The following CYP3A5 variants were observed in gnomAD, a reference collection of about 807,000 sequenced individuals.
CYP3A5 encodes cytochrome P450 family 3 subfamily A member 5, also known as cytochrome P450 3A5.
Under a neutral mutation model 55.9 loss-of-function variants are expected in CYP3A5, and 51 were observed. The observed-to-expected ratio is 0.91, with a 90% CI of 0.73 to 1.15. The LOEUF is 1.15. Among genes scored for constraint, CYP3A5 ranks in the 50% most tolerant of loss-of-function variants. The pLI, the probability that CYP3A5 is intolerant of heterozygous loss-of-function variation, is 0.00. For synonymous variants in CYP3A5, 196 were observed against 213.9 expected, an observed-to-expected ratio of 0.92 and a Z score of 0.73; for missense variants, 533 against 596.6, an observed-to-expected ratio of 0.89 and a Z score of 1.11.
chr7:99,674,903 C>G (rs1214396018), intron 2 of CYP3A5, among the ~76,000 whole-genome samples: 1 of 152,210 alleles, frequency 6.6e-6, no homozygotes, highest in Non-Finnish European at 1.5e-5. Flanking sequence ...CTCCTAACCC[C>G]GTGAATGATC....
At chr7:99,661,327 G>A (rs1810419497) in intron 9 of CYP3A5, among the ~76,000 whole-genome samples, 1 of 152,180 alleles carries the variant, frequency 6.6e-6, no homozygotes, top group African/African-American at 2.4e-5. Flanking sequence ...TGATTTGTGT[G>A]CACAACCTCA....
chr7:99,674,563 T>C lies in CYP3A5; in HGVS notation c.188A>G (p.Glu63Gly). The C allele has an allele frequency of 6.2e-7, 1 of 1,613,784 alleles. No individual in the cohort carries two copies. Among genetic ancestry groups the C allele is most frequent in the Non-Finnish European group, 8.5e-7 (1 of 1,179,768 alleles). ...YRQGLWKFDT[E>G]CYKKYGKMWG... ...CATTTTTCCATACTTTTTATAGCAC[T>C]CTGTGTCAAATTTCCAGAGACCCTG... Residue 63 changes from glutamate to glycine, a missense_variant, in exon 3 of 13, where the codon GAG (glutamate) becomes GGG (glycine). Glu to Gly is a moderately conservative substitution (Grantham distance 98). Transcript: ENST00000222982.
intron 2 of CYP3A5, among the ~76,000 whole-genome samples, chr7:99,675,053 TAAAG>T (rs1477200777): frequency 3.3e-5 from 5 of 152,194 alleles, no homozygotes; most frequent in Admixed American, 1.3e-4. Context: ...ATTAGAAAGT[TAAAG>T]AAACCAGGAA....
chr7:99,651,509 C>T (rs907726898), intron 11 of CYP3A5, among the ~76,000 whole-genome samples: 6 of 152,008 alleles, frequency 3.9e-5, no homozygotes, highest in African/African-American at 1.4e-4. Flanking sequence ...GTCCTCTACT[C>T]CAGAAAACAG....
intron 10 of CYP3A5, chr7:99,659,032 C>T (rs371645896): frequency 6.6e-6 from 1 of 152,228 alleles, no homozygotes; most frequent in Non-Finnish European, 1.5e-5. Context: ...TTCGAACTTC[C>T]TCCTTTAGCT....
intron 9 of CYP3A5, 85 bp from the exon 10 acceptor site, chr7:99,660,744 ATCCC>A: frequency 6.7e-7 from 1 of 1,495,390 alleles, no homozygotes; most frequent in Admixed American, 2.0e-5. Flanking sequence ...AAGCTCTCTA[ATCCC>A]AAGAAGAAAA....
At position 99,667,037 on chromosome 7, in the gene CYP3A5, C is replaced by T; in HGVS notation, c.347G>A (p.Ser116Asn). Residue 116 changes from serine to asparagine, a missense_variant, in exon 5 of 13, where the codon AGT (serine) becomes AAT (asparagine). Ser to Asn is a conservative substitution (Grantham distance 46). Transcript: ENST00000222982. ...TTCATCCTCAGCTAAAGAGATGGCA[C>T]TTTTCATAAATCCCACTGGGCCTAA... The part of the protein sequence containing the change: ...RSLGPVGFMK[S>N]AISLAEDEEW... The T allele has an allele frequency of 1.9e-6, 3 of 1,614,108 alleles. No homozygotes were observed. The highest frequency in any genetic ancestry group is 2.5e-6 in the Non-Finnish European group (3 of 1,179,984).
intron 4 of CYP3A5, among the ~76,000 whole-genome samples, chr7:99,668,493 T>G (rs145503191): frequency 1.4e-4 from 22 of 152,366 alleles, no homozygotes; most frequent in African/African-American, 4.3e-4. Flanking sequence ...CAATTTTTTT[T>G]GTAATTTTGT....
chr7:99,661,418 A>G (rs935980274), intron 9 of CYP3A5, among the ~76,000 whole-genome samples: 3 of 152,238 alleles, frequency 2.0e-5, no homozygotes, highest in Admixed American at 2.0e-4. Context: ...GGACTATCTC[A>G]GGATGTACAA....
chr7:99,677,736 C>T (rs1303800981), intron 1 of CYP3A5, among the ~76,000 whole-genome samples: 1 of 152,218 alleles, frequency 6.6e-6, no homozygotes, highest in Non-Finnish European at 1.5e-5. Context: ...CCTGCCAAAG[C>T]CAGGGTGGCC....
intron 10 of CYP3A5, among the ~76,000 whole-genome samples, chr7:99,654,302 A>C (rs1226333195): frequency 6.6e-6 from 1 of 152,026 alleles, no homozygotes; most frequent in Non-Finnish European, 1.5e-5. Flanking sequence ...TCATTGTTCA[A>C]TTCCCACCTA....
intron 11 of CYP3A5, among the ~76,000 whole-genome samples, chr7:99,651,258 A>G (rs985966628): frequency 5.3e-5 from 8 of 152,176 alleles, no homozygotes; most frequent in Admixed American, 3.9e-4. Context: ...TCTCTAATAT[A>G]TATATACACA....
intron 12 of CYP3A5, among the ~76,000 whole-genome samples, 175 bp from the exon 13 acceptor site, chr7:99,648,575 A>G (rs1416471540): frequency 1.3e-5 from 2 of 152,196 alleles, no homozygotes; most frequent in Non-Finnish European, 2.9e-5. Flanking sequence ...AATACTGGAT[A>G]GTAAAAGCAC....
chr7:99,666,706 T>A lies in CYP3A5; in HGVS notation c.433-17A>T. Reference sequence around the variant, plus strand: ...GGGGAACATCTAAGCACAAAACAGATCAGTACCTGTAGTTAAATGTGCAGA... The same window carrying A: ...GGGGAACATCTAAGCACAAAACAGAACAGTACCTGTAGTTAAATGTGCAGA... On this transcript the variant is annotated splice_polypyrimidine_tract_variant and intron_variant, in intron 5 of 12. Transcript: ENST00000222982. The A allele has an allele frequency of 6.2e-7, 1 of 1,614,002 alleles. No individual in the cohort carries two copies. The highest frequency in any genetic ancestry group is 8.5e-7 in the Non-Finnish European group (1 of 1,179,900).
Position 99,650,216 on chromosome 7 carries a change from C to T in CYP3A5, c.1270G>A (p.Asp424Asn), listed in dbSNP as rs1420059633. The T allele has an allele frequency of 5.6e-6, 9 of 1,613,566 alleles. No individual in the cohort carries two copies. Among genetic ancestry groups the T allele is most frequent in the Non-Finnish European group, 5.9e-6 (7 of 1,179,800 alleles). ...GTGTATATGTAAGGATCTATGCTGT[C>T]CTTCTTCTTACTGAACCTAGTTCCA... ...FRPERFSKKK[D>N]SIDPYIYTPF... Residue 424 changes from aspartate (D) to asparagine (N), a missense_variant, in exon 12 of 13, where the codon GAC becomes AAC. Physicochemically the swap from Asp to Asn is conservative, Grantham distance 23. Coordinates refer to ENST00000222982, the MANE Select transcript of CYP3A5 (RefSeq NM_000777.5).
intron 10 of CYP3A5, among the ~76,000 whole-genome samples, chr7:99,655,435 A>T (rs1809612914): frequency 1.3e-5 from 2 of 152,134 alleles, no homozygotes; most frequent in East Asian, 3.9e-4. Context: ...TCCATTGATC[A>T]ATATCTCTGT....
intron 11 of CYP3A5, 177 bp downstream of exon 11, chr7:99,652,376 G>A (rs6976017): frequency 0.051 from 25,446 of 498,110 alleles, 951 homozygotes; most frequent in African/African-American, 0.12. Flanking sequence ...GATGGATGTA[G>A]TTTCGTTTTT....
At chr7:99,656,353 C>T (rs187853924) in intron 10 of CYP3A5, among the ~76,000 whole-genome samples, 58 of 152,242 alleles carry the variant, frequency 3.8e-4, no homozygotes, top group African/African-American at 1.2e-3. Context: ...TGGGTTTTGT[C>T]GTTGGTTCTG....
chr7:99,656,663 G>C (rs933459368), intron 10 of CYP3A5, among the ~76,000 whole-genome samples: 3 of 152,052 alleles, frequency 2.0e-5, no homozygotes, highest in South Asian at 2.1e-4. Flanking sequence ...ATGGTACCAG[G>C]TCCTCCTTGT....
Sources: gnomAD v4.1 joint callset for allele counts (sites outside exome capture counted in the v4.1 genomes callset) on GRCh38, gnomAD v4.1.1 for gene constraint, MANE v1.5 for transcripts, NCBI Gene and HGNC (gene_info 2026-07-23, HGNC 2026-07-21) for gene names.